Variants in MGRN1 observed in about 807,000 individuals in gnomAD.
MGRN1 encodes E3 ubiquitin-protein ligase MGRN1.
A neutral mutation model predicts 69.2 loss-of-function variants in MGRN1; 29 were observed. The ratio of observed to expected loss-of-function variants is 0.42; its 90% CI spans 0.31 to 0.57. MGRN1 has a LOEUF of 0.57. MGRN1 is among the 20% of genes least tolerant of loss of function. The probability of loss-of-function intolerance (pLI) is 0.15; values close to 1 mark genes in which losing one functional copy is unlikely to be tolerated. For missense variants in MGRN1, 998 were observed against 796.2 expected, an observed-to-expected ratio of 1.25 and a Z score of -3.05; for synonymous variants, 470 against 344.2, an observed-to-expected ratio of 1.37 and a Z score of -4.04.
rs553236030 is a variant in MGRN1 at position 4,628,410 on chromosome 16, G to T, written c.88+3362G>T. On this transcript the variant is annotated intron_variant, in intron 1 of 16. Coordinates refer to ENST00000262370, the MANE Select transcript of MGRN1 (RefSeq NM_015246.4). Reference sequence around the variant, plus strand: ...CAAAAAAAAAAAAAAAAAAGGAGGGGACATTGAAGCAACAACAACAAAAAA... The same window carrying T: ...CAAAAAAAAAAAAAAAAAAGGAGGGTACATTGAAGCAACAACAACAAAAAA... Among the ~76,000 whole-genome samples the T allele has an allele frequency of 8.4e-4, 126 of 150,090 alleles. 1 individual carries two copies. Among genetic ancestry groups the T allele is most frequent in the Middle Eastern group, 3.6e-3 (1 of 280 alleles).
At chr16:4,667,984 C>T (rs2078843067) in intron 7 of MGRN1, among the ~76,000 whole-genome samples, 1 of 152,080 alleles carries the variant, frequency 6.6e-6, no homozygotes, top group Non-Finnish European at 1.5e-5. Context: ...GTGCTTGAGA[C>T]CAACCGAGGA....
intron 1 of MGRN1, among the ~76,000 whole-genome samples, chr16:4,629,223 T>C (rs1897867531): frequency 6.6e-6 from 1 of 151,612 alleles, no homozygotes; most frequent in Admixed American, 6.6e-5. Flanking sequence ...TTTGTCCAAT[T>C]TTCAAAAACT....
At chr16:4,634,527 A>T (rs1316736965) in intron 1 of MGRN1, 1 of 152,410 alleles carries the variant, frequency 6.6e-6, no homozygotes, top group Admixed American at 6.5e-5. Flanking sequence ...CGTCTGCACC[A>T]TCCCTGCAGT....
At chr16:4,652,131 G>A in intron 3 of MGRN1, 80 bp downstream of exon 3, 1 of 1,422,266 alleles carries the variant, frequency 7.0e-7, no homozygotes, top group South Asian at 1.2e-5. Flanking sequence ...GATGCTTGAG[G>A]AAAAGGGCAG....
chr16:4,662,377 G>A (rs1235257887), intron 5 of MGRN1, among the ~76,000 whole-genome samples: 2 of 152,044 alleles, frequency 1.3e-5, no homozygotes, highest in Non-Finnish European at 2.9e-5. Flanking sequence ...TTAGCTGGGC[G>A]TGGTGGCGGG....
At chr16:4,670,397 C>T (rs1567219844) in intron 8 of MGRN1, among the ~76,000 whole-genome samples, 3 of 152,226 alleles carry the variant, frequency 2.0e-5, no homozygotes, top group Non-Finnish European at 2.9e-5. Context: ...CACGCGCCAC[C>T]ATGCCTGGCT....
At chr16:4,667,632 C>A (rs2078834259) in intron 7 of MGRN1, among the ~76,000 whole-genome samples, 2 of 152,196 alleles carry the variant, frequency 1.3e-5, no homozygotes, top group African/African-American at 4.8e-5. Flanking sequence ...CTGGAAAATT[C>A]TGAGTGCTGA....
intron 1 of MGRN1, among the ~76,000 whole-genome samples, chr16:4,630,734 T>G (rs1051088490): frequency 1.3e-5 from 2 of 152,098 alleles, no homozygotes; most frequent in Non-Finnish European, 2.9e-5. Context: ...CGTGAGCCGC[T>G]GTGCCCGGCC....
Position 4,637,439 on chromosome 16 carries a change from CA to C in MGRN1, c.88+12401del, listed in dbSNP as rs367604754. Among the ~76,000 whole-genome samples, 1,213 of 148,208 alleles carry C rather than the reference CA, an allele frequency of 8.2e-3. 29 individuals are homozygous for C. The highest frequency in any genetic ancestry group is 0.028 in the African/African-American group (1,135 of 40,496). On this transcript the variant is annotated intron_variant, in intron 1 of 16. Transcript: ENST00000262370. ...AGTGAGACTGTCTCAAAGAAAAAAA[CA>C]AAAAAAAAATTGAGTTATCTTTTTT...
intron 5 of MGRN1, among the ~76,000 whole-genome samples, chr16:4,658,519 G>C (rs2078604675): frequency 6.8e-6 from 1 of 147,500 alleles, no homozygotes. Flanking sequence ...CTGGGCGACA[G>C]AGTGAGATTC....
chr16:4,657,431 A>G (rs3747590), intron 5 of MGRN1, 68 bp downstream of exon 5: 256,089 of 1,451,014 alleles, frequency 0.18, 25,109 homozygotes, highest in East Asian at 0.39. Flanking sequence ...GGGTGGGGCC[A>G]GCACAGTGGG....
In MGRN1 at chr16:4,677,127, G is replaced by A. The variant is rs576800678; in HGVS notation, c.956-336G>A. 5.6e-4 allele frequency: 116 copies of A among 206,124 alleles called. 4 individuals are homozygous for A. The South Asian group carries it at 0.013, about 24-fold the overall frequency. 12.8% of individuals were successfully genotyped at this position (206,124 alleles called of 1,614,324 possible). A position where few individuals can be genotyped will look rare whatever the true frequency, so the allele number is the denominator to read the frequency against. On this transcript the variant is annotated intron_variant, in intron 10 of 16. Transcript: ENST00000262370. ...TCTTGGAAACACCCTCTGGAGCCCC[G>A]CCTTGGGCAGCACTGCATGGCCTTG...
chr16:4,688,007 T>C, intron 16 of MGRN1: 1 of 985,560 alleles, frequency 1.0e-6, no homozygotes, highest in Non-Finnish European at 1.2e-6. Flanking sequence ...CAGGTCAAGC[T>C]TCCGGAGCTG....
chr16:4,651,522 G>A (rs375697255), intron 2 of MGRN1, among the ~76,000 whole-genome samples: 1 of 152,178 alleles, frequency 6.6e-6, no homozygotes, highest in East Asian at 1.9e-4. Flanking sequence ...GTGAGAGGGT[G>A]CAGGCCTCAG....
chr16:4,631,144 G>C (rs966914081), intron 1 of MGRN1, among the ~76,000 whole-genome samples: 1 of 152,032 alleles, frequency 6.6e-6, no homozygotes, highest in African/African-American at 2.4e-5. Flanking sequence ...TTCACTTATG[G>C]CTTGAGATAA....
intron 5 of MGRN1, chr16:4,664,194 A>G (rs1183051600): frequency 5.9e-6 from 1 of 170,340 alleles, no homozygotes; most frequent in Non-Finnish European, 1.3e-5. Context: ...TTATTTGGCC[A>G]GAAAAAGGAA....
chr16:4,681,884 T>TC (rs2079189791), intron 13 of MGRN1, 108 bp downstream of exon 13: 1 of 1,145,108 alleles, frequency 8.7e-7, no homozygotes, highest in Non-Finnish European at 1.2e-6. Context: ...GTGTGGCGAT[T>TC]CCCCAGAAGG....
rs777436635 is a variant in MGRN1, at chr16:4,671,464, G to A, written c.795+5G>A. The stretch of plus-strand genomic sequence containing the variant: ...AAGAACAACCAGGAGACCAAGGTGT[G>A]TATCTGGGTGAGGTTTCCCTCTGCC... On this transcript the variant is annotated splice_donor_5th_base_variant and intron_variant, in intron 9 of 16. Coordinates refer to ENST00000262370, the MANE Select transcript of MGRN1 (RefSeq NM_015246.4). The A allele has an allele frequency of 4.3e-6, 7 of 1,613,776 alleles. No homozygotes were observed. Among genetic ancestry groups the A allele is most frequent in the Middle Eastern group, 1.7e-4 (1 of 6,058 alleles).
chr16:4,634,229 A>C (rs2141831785), intron 1 of MGRN1: 1 of 152,376 alleles, frequency 6.6e-6, no homozygotes, highest in South Asian at 2.1e-4. Flanking sequence ...GGCCCCTTTC[A>C]GGTCTGGCTG....
Sources: gnomAD v4.1 joint callset for allele counts (sites outside exome capture counted in the v4.1 genomes callset) on GRCh38, gnomAD v4.1.1 for gene constraint, MANE v1.5 for transcripts, NCBI Gene and HGNC (gene_info 2026-07-23, HGNC 2026-07-21) for gene names.